Variants in EPM2A observed in about 807,000 individuals in gnomAD.
EPM2A encodes the protein EPM2A glucan phosphatase, laforin.
In EPM2A, 21 loss-of-function variants were observed where a neutral mutation model predicts 26.5. The ratio of observed to expected loss-of-function variants is 0.79; its 90% CI spans 0.56 to 1.14. The LOEUF (loss-of-function observed/expected upper bound fraction) is 1.14. EPM2A is among the 50% of genes most tolerant of loss of function. The probability of loss-of-function intolerance (pLI) is 0.00; values close to 1 mark genes in which losing one functional copy is unlikely to be tolerated. For missense variants in EPM2A, 458 were observed against 440.8 expected (o/e 1.04, Z -0.35); for synonymous variants, 217 against 177.6 (o/e 1.22, Z -1.76).
intron 2 of EPM2A, among the ~76,000 whole-genome samples, chr6:145,550,871 C>G (rs746619211): frequency 2.6e-5 from 4 of 151,898 alleles, no homozygotes; most frequent in Non-Finnish European, 4.4e-5. Context: ...AGTAAGGAAG[C>G]CTTACTGATA....
chr6:145,497,703 T>C (rs1412968082), downstream of EPM2A, among the ~76,000 whole-genome samples: 2 of 152,172 alleles, frequency 1.3e-5, no homozygotes, highest in African/African-American at 4.8e-5. Flanking sequence ...TCCCAGGAAA[T>C]TTTCAAACCT....
intron 4 of EPM2A, among the ~76,000 whole-genome samples, chr6:145,404,351 A>G (rs1290947196): frequency 6.6e-6 from 1 of 151,682 alleles, no homozygotes; most frequent in Non-Finnish European, 1.5e-5. Flanking sequence ...AAATGTTTTT[A>G]TTTTTATATT....
chr6:145,412,196 G>A (rs115508533), intron 4 of EPM2A, among the ~76,000 whole-genome samples: 7,068 of 136,332 alleles, frequency 0.052, 582 homozygotes, highest in African/African-American at 0.18. Flanking sequence ...TAGCCTGGGC[G>A]ACACTGAGAC....
At chr6:145,588,205 A>C (rs1477394342) in intron 2 of EPM2A, among the ~76,000 whole-genome samples, 1 of 152,182 alleles carries the variant, frequency 6.6e-6, no homozygotes. Flanking sequence ...TATGTTTATC[A>C]TCTGGGAAAA....
chr6:145,671,817 A>G (rs1779665351), intron 2 of EPM2A, among the ~76,000 whole-genome samples: 1 of 152,234 alleles, frequency 6.6e-6, no homozygotes, highest in African/African-American at 2.4e-5. Flanking sequence ...TCTGAGCCAA[A>G]GAAGGTAAAA....
At chr6:145,406,924 G>A (rs934845964) in intron 4 of EPM2A, among the ~76,000 whole-genome samples, 2 of 152,124 alleles carry the variant, frequency 1.3e-5, no homozygotes, top group African/African-American at 2.4e-5. Flanking sequence ...GCTCAAATTT[G>A]AGAACCACTT....
chr6:145,393,690 C>T (rs189699865), intron 4 of EPM2A, among the ~76,000 whole-genome samples: 8 of 152,232 alleles, frequency 5.3e-5, no homozygotes, highest in African/African-American at 1.9e-4. Context: ...CACCCCAAAG[C>T]TGCCAGGGTT....
At chr6:145,572,968 A>G (rs1160337137) in intron 2 of EPM2A, among the ~76,000 whole-genome samples, 2 of 152,204 alleles carry the variant, frequency 1.3e-5, no homozygotes, top group Admixed American at 1.3e-4. Context: ...GGGGCCAAAT[A>G]CAGCAACTTA....
At chr6:145,412,704 T>C (rs1778660267) in intron 4 of EPM2A, among the ~76,000 whole-genome samples, 1 of 152,248 alleles carries the variant, frequency 6.6e-6, no homozygotes, top group Non-Finnish European at 1.5e-5. Context: ...TGGATGCTGT[T>C]CATTTCTCAT....
chr6:145,457,295 C>T (rs1288885961), intron 4 of EPM2A, among the ~76,000 whole-genome samples: 1 of 151,692 alleles, frequency 6.6e-6, no homozygotes, highest in East Asian at 1.9e-4. Context: ...GGGAGCCAGG[C>T]CAACATGGTG....
chr6:145,420,456 C>A (rs1036266772), intron 4 of EPM2A, among the ~76,000 whole-genome samples: 2 of 152,028 alleles, frequency 1.3e-5, no homozygotes, highest in African/African-American at 4.8e-5. Flanking sequence ...CTCTTCATTG[C>A]TTTTTGTATA....
chr6:145,608,853 G>A (rs1403377963), intron 2 of EPM2A, among the ~76,000 whole-genome samples: 1 of 152,134 alleles, frequency 6.6e-6, no homozygotes, highest in Admixed American at 6.5e-5. Flanking sequence ...GATAATCTAA[G>A]TAACCCAAAT....
At chr6:145,564,104 A>C (rs1042825942) in intron 2 of EPM2A, among the ~76,000 whole-genome samples, 4 of 152,208 alleles carry the variant, frequency 2.6e-5, no homozygotes, top group Non-Finnish European at 5.9e-5. Flanking sequence ...CTCCATTGTC[A>C]AGAAAAGAAT....
chr6:145,427,271 T>A (rs904329200), intron 4 of EPM2A, among the ~76,000 whole-genome samples: 1 of 152,118 alleles, frequency 6.6e-6, no homozygotes, highest in South Asian at 2.1e-4. Flanking sequence ...GTGGAGTCTG[T>A]GGGGAGGGAA....
At chr6:145,512,239 G>C (rs574037963) in intron 2 of EPM2A, among the ~76,000 whole-genome samples, 80 of 151,684 alleles carry the variant, frequency 5.3e-4, no homozygotes, top group Non-Finnish European at 9.0e-4. Flanking sequence ...CACAGAATTA[G>C]AAAAAAAATC....
intron 4 of EPM2A, among the ~76,000 whole-genome samples, chr6:145,406,830 C>A (rs1778576479): frequency 6.6e-6 from 1 of 152,122 alleles, no homozygotes; most frequent in Non-Finnish European, 1.5e-5. Context: ...AAATGCAAAT[C>A]CTTAGGTCAC....
chr6:145,597,488 T>A (rs9497364), intron 2 of EPM2A, among the ~76,000 whole-genome samples: 1 of 151,378 alleles, frequency 6.6e-6, no homozygotes. Context: ...TTTTTTTTGG[T>A]AAGTTTTACA....
chr6:145,422,245 T>A (rs1011944226), intron 4 of EPM2A, among the ~76,000 whole-genome samples: 6 of 146,976 alleles, frequency 4.1e-5, no homozygotes, highest in Non-Finnish European at 7.5e-5. Context: ...GTATACATGA[T>A]ATATAAATAT....
intron 4 of EPM2A, among the ~76,000 whole-genome samples, chr6:145,440,732 T>C (rs1173703498): frequency 6.6e-6 from 1 of 152,206 alleles, no homozygotes; most frequent in African/African-American, 2.4e-5. Context: ...CAGTCAAATC[T>C]TAAAGCTCCA....
Sources: allele counts gnomAD v4.1 joint callset (sites outside exome capture counted in the v4.1 genomes callset), GRCh38; gene constraint gnomAD v4.1.1; transcripts MANE v1.5; gene names NCBI Gene and HGNC (gene_info 2026-07-23, HGNC 2026-07-21).